LRP1B: variants seen among roughly 807,000 people sequenced by gnomAD.
LRP1B encodes the protein LDL receptor related protein 1B.
In LRP1B, 217 loss-of-function variants were observed where a neutral mutation model predicts 556.6. The observed-to-expected ratio is 0.39, with a 90% CI of 0.35 to 0.44. LRP1B has a LOEUF of 0.44. Ranked by LOEUF, LRP1B falls within the 20% of genes least tolerant of loss-of-function variation. LRP1B has a pLI of 1.00. For missense variants in LRP1B, 5,053 were observed against 5,620.8 expected (o/e 0.90, Z 3.23); for synonymous variants, 2,047 against 1,865.8 (o/e 1.10, Z -2.50).
At chr2:142,074,479 C>G (rs573645097) in intron 1 of LRP1B, among the ~76,000 whole-genome samples, 4 of 152,128 alleles carry the variant, frequency 2.6e-5, no homozygotes, top group African/African-American at 9.6e-5. Flanking sequence ...GCTGAATAGT[C>G]TCTTTTATGG....
intron 35 of LRP1B, among the ~76,000 whole-genome samples, chr2:140,748,791 A>G (rs1241985316): frequency 4.4e-5 from 2 of 45,930 alleles, no homozygotes; most frequent in African/African-American, 1.3e-4. Context: ...TATAATATAT[A>G]TTATATACAT....
chr2:142,016,056 T>C (rs547574138), intron 1 of LRP1B, among the ~76,000 whole-genome samples: 1 of 139,114 alleles, frequency 7.2e-6, no homozygotes, highest in East Asian at 2.2e-4. Flanking sequence ...AGAAGACATT[T>C]ATGTGGCTAA....
intron 35 of LRP1B, among the ~76,000 whole-genome samples, chr2:140,762,634 G>A (rs550315577): frequency 1.3e-4 from 20 of 151,870 alleles, no homozygotes; most frequent in African/African-American, 3.6e-4. Flanking sequence ...TCACCTTAAA[G>A]TTTGAAAATG....
chr2:141,495,114 C>T (rs1683467934), intron 2 of LRP1B, among the ~76,000 whole-genome samples: 1 of 151,900 alleles, frequency 6.6e-6, no homozygotes, highest in South Asian at 2.1e-4. Context: ...AAGGTAGAAA[C>T]ATAAATGAAA....
intron 86 of LRP1B, among the ~76,000 whole-genome samples, chr2:140,252,150 T>C (rs1028302489): frequency 1.3e-5 from 2 of 149,236 alleles, no homozygotes; most frequent in African/African-American, 2.5e-5. Flanking sequence ...ACTTAGATAT[T>C]TATTCATCTG....
At chr2:140,557,043 C>T (rs1205337065) in intron 43 of LRP1B, among the ~76,000 whole-genome samples, 3 of 152,134 alleles carry the variant, frequency 2.0e-5, no homozygotes, top group Non-Finnish European at 4.4e-5. Context: ...GTTCTGACTA[C>T]ATGACTATTT....
At position 140,549,695 on chromosome 2, in the gene LRP1B, C is replaced by T. The variant is rs542632782; in HGVS notation, c.7195-7724G>A. ...GAAACAGCTGTCAACACGCTAGGTA[C>T]GCCTTTGCTACTTACTCTCAAAGGG... On this transcript the variant is annotated intron_variant, in intron 43 of 90. Coordinates refer to ENST00000389484, the MANE Select transcript of LRP1B (RefSeq NM_018557.3). Among the ~76,000 whole-genome samples the T allele has an allele frequency of 8.5e-5, 13 of 152,286 alleles. No individual in the cohort carries two copies. In the South Asian group the frequency reaches 1.9e-3, roughly 22 times the overall value.
At chr2:141,146,761 A>G (rs1701793694) in intron 7 of LRP1B, among the ~76,000 whole-genome samples, 2 of 152,200 alleles carry the variant, frequency 1.3e-5, no homozygotes, top group Admixed American at 6.5e-5. Flanking sequence ...CCCATCAACT[A>G]TAGATGGCTG....
chr2:140,643,255 C>A (rs185847012), intron 41 of LRP1B, among the ~76,000 whole-genome samples: 99 of 152,042 alleles, frequency 6.5e-4, no homozygotes, highest in African/African-American at 2.1e-3. Flanking sequence ...ACTTTTTCCT[C>A]TTTGAGTGGT....
chr2:141,330,035 C>A (rs2683848), intron 3 of LRP1B, among the ~76,000 whole-genome samples: 86,153 of 151,522 alleles, frequency 0.57, 25,550 homozygotes, highest in African/African-American at 0.7. Context: ...TGAGGTTATT[C>A]TCTATTTTGA....
intron 7 of LRP1B, among the ~76,000 whole-genome samples, chr2:141,127,403 G>T (rs1701242430): frequency 6.6e-6 from 1 of 152,026 alleles, no homozygotes; most frequent in Non-Finnish European, 1.5e-5. Context: ...ATACCCAAAG[G>T]ATTAGAAATC....
At chr2:140,980,142 T>C (rs1189065698) in intron 18 of LRP1B, among the ~76,000 whole-genome samples, 2 of 152,096 alleles carry the variant, frequency 1.3e-5, no homozygotes, top group African/African-American at 4.8e-5. Flanking sequence ...AAAGACCTAA[T>C]AGAAGTTCTT....
At chr2:141,927,243 A>ATTT (rs1384013916) in intron 1 of LRP1B, among the ~76,000 whole-genome samples, 1 of 151,946 alleles carries the variant, frequency 6.6e-6, no homozygotes, top group Non-Finnish European at 1.5e-5. Context: ...CTGAATTATT[A>ATTT]TAAACAGTCA....
intron 2 of LRP1B, among the ~76,000 whole-genome samples, chr2:141,565,961 G>A (rs1043617540): frequency 6.6e-6 from 1 of 151,692 alleles, no homozygotes; most frequent in Non-Finnish European, 1.5e-5. Context: ...ATTTTACCAA[G>A]TCATGAGCTG....
intron 18 of LRP1B, among the ~76,000 whole-genome samples, chr2:140,963,531 A>G (rs1443202148): frequency 1.3e-5 from 2 of 152,176 alleles, no homozygotes; most frequent in African/African-American, 4.8e-5. Flanking sequence ...ATAAAAACTG[A>G]AACAACAAAA....
intron 77 of LRP1B, among the ~76,000 whole-genome samples, chr2:140,339,146 C>T (rs1681247541): frequency 6.6e-6 from 1 of 151,742 alleles, no homozygotes; most frequent in Admixed American, 6.6e-5. Context: ...GAAACCCTTA[C>T]ATCTTACAAA....
At chr2:140,559,289 C>T (rs1680847532) in intron 43 of LRP1B, among the ~76,000 whole-genome samples, 1 of 151,816 alleles carries the variant, frequency 6.6e-6, no homozygotes, top group Admixed American at 6.6e-5. Context: ...ATTTAAGAGA[C>T]ATATCAGTTA....
At chr2:141,207,669 GTT>G (rs1416171063) in intron 6 of LRP1B, among the ~76,000 whole-genome samples, 1 of 147,874 alleles carries the variant, frequency 6.8e-6, no homozygotes, top group East Asian at 1.9e-4. Context: ...TTTTGTTTTT[GTT>G]TTTGTTTTTG....
chr2:140,822,009 G>C (rs9678354), intron 31 of LRP1B, among the ~76,000 whole-genome samples: 2 of 146,294 alleles, frequency 1.4e-5, no homozygotes, highest in African/African-American at 5.1e-5. Flanking sequence ...AAAAAAAAAA[G>C]AAAAAAAAAG....
Sources: allele counts gnomAD v4.1 joint callset (sites outside exome capture counted in the v4.1 genomes callset), GRCh38; gene constraint gnomAD v4.1.1; transcripts MANE v1.5; gene names NCBI Gene and HGNC (gene_info 2026-07-23, HGNC 2026-07-21).